APP: variants seen among roughly 807,000 people sequenced by gnomAD.
APP encodes the protein amyloid-beta precursor protein.
APP carries 31 observed loss-of-function variants against 101.4 expected under a neutral mutation model. The ratio of observed to expected loss-of-function variants is 0.31; its 90% CI spans 0.23 to 0.41. The LOEUF (loss-of-function observed/expected upper bound fraction) is 0.41, where lower values mean the gene tolerates loss of function less well. Ranked by LOEUF, APP falls within the 10% of genes least tolerant of loss-of-function variation. The pLI is 1.00. For missense variants in APP, 839 were observed against 1,003.7 expected (o/e 0.84, Z 2.22); for synonymous variants, 366 against 364.4 (o/e 1.00, Z -0.05).
rs1432815469 is a variant in APP at position 26,002,681 on chromosome 21, G to A, written c.866-2499C>T. The stretch of plus-strand genomic sequence containing the variant: ...ACCGTGGTCATTGCTACCAAGGGAG[G>A]CACAGAATCCCTTCACCCCATAGTC... On this transcript the variant is annotated intron_variant, in intron 6 of 17. Transcript: ENST00000346798. Among the ~76,000 whole-genome samples, 3 of 152,192 alleles carry A rather than the reference G, an allele frequency of 2.0e-5. No homozygotes were observed. In the East Asian group the frequency reaches 5.8e-4, roughly 29 times the overall value.
intron 11 of APP, among the ~76,000 whole-genome samples, chr21:25,969,927 GAAA>G (rs1601066992): frequency 1.8e-3 from 12 of 6,516 alleles, no homozygotes; most frequent in Non-Finnish European, 2.8e-3. Flanking sequence ...AAGAGAAAAG[GAAA>G]GGAAAGGAAA....
intron 14 of APP, 35 bp from the exon 15 acceptor site, chr21:25,905,112 CAA>C (rs764881231): frequency 5.8e-5 from 91 of 1,573,344 alleles, no homozygotes; most frequent in Non-Finnish European, 7.2e-5. Flanking sequence ...AGAAAGCAAA[CAA>C]GACAAATCAA....
intron 11 of APP, among the ~76,000 whole-genome samples, chr21:25,958,317 C>T (rs1363451304): frequency 6.6e-6 from 1 of 152,186 alleles, no homozygotes; most frequent in Non-Finnish European, 1.5e-5. Flanking sequence ...CGCCCTGTCT[C>T]CCAGGCTGGA....
At chr21:26,107,246 T>C (rs1047048773) in intron 2 of APP, among the ~76,000 whole-genome samples, 1 of 152,248 alleles carries the variant, frequency 6.6e-6, no homozygotes. Context: ...TCCTGTACCA[T>C]GGAAATAATT....
rs149488804 is a variant in APP at position 25,915,098 on chromosome 21, C to T, written c.1688-3136G>A. ...ACTCCTTTGCCAGATGCTGAAGGCCCTCTGTGGTCTGGGCCCACCCCGTAT... is the reference window on the plus strand; with the variant it reads ...ACTCCTTTGCCAGATGCTGAAGGCCTTCTGTGGTCTGGGCCCACCCCGTAT... On this transcript the variant is annotated intron_variant, in intron 13 of 17. Coordinates refer to ENST00000346798, the MANE Select transcript of APP (RefSeq NM_000484.4). Among the ~76,000 whole-genome samples, 94 of 152,324 alleles carry T rather than the reference C, an allele frequency of 6.2e-4. 1 individual carries two copies. Among genetic ancestry groups the T allele is most frequent in the African/African-American group, 2.1e-3 (89 of 41,570 alleles).
intron 2 of APP, among the ~76,000 whole-genome samples, chr21:26,100,186 CT>C (rs2062026155): frequency 6.6e-6 from 1 of 151,148 alleles, no homozygotes; most frequent in Non-Finnish European, 1.5e-5. Context: ...GGCTAATTTT[CT>C]TATTTTAAAA....
chr21:26,065,252 C>A (rs979832000), intron 3 of APP, among the ~76,000 whole-genome samples: 1 of 152,116 alleles, frequency 6.6e-6, no homozygotes, highest in African/African-American at 2.4e-5. Context: ...CTGTCAGGTG[C>A]ATCTACCATA....
intron 1 of APP, among the ~76,000 whole-genome samples, chr21:26,114,764 T>C (rs777814712): frequency 2.7e-4 from 41 of 152,318 alleles, no homozygotes; most frequent in South Asian, 8.3e-4. Context: ...CCTCCCTGCT[T>C]CTTGACTTTA....
At chr21:25,998,871 C>G (rs192922045) in intron 7 of APP, among the ~76,000 whole-genome samples, 1 of 152,322 alleles carries the variant, frequency 6.6e-6, no homozygotes, top group African/African-American at 2.4e-5. Flanking sequence ...AGTCTCACAT[C>G]TGGTACTGGA....
At chr21:26,079,044 C>CAAAAAA (rs34285555) in intron 3 of APP, among the ~76,000 whole-genome samples, 3 of 114,450 alleles carry the variant, frequency 2.6e-5, no homozygotes, top group East Asian at 2.5e-4. Flanking sequence ...AACTCCATCT[C>CAAAAAA]AAAAAAAAAA....
chr21:26,090,980 T>A (rs1468973763), intron 2 of APP, among the ~76,000 whole-genome samples: 1 of 152,234 alleles, frequency 6.6e-6, no homozygotes, highest in African/African-American at 2.4e-5. Context: ...TAGAATGAAA[T>A]GTGAAACTTG....
intron 13 of APP, among the ~76,000 whole-genome samples, chr21:25,925,099 A>G (rs2039827477): frequency 6.6e-6 from 1 of 152,198 alleles, no homozygotes; most frequent in Non-Finnish European, 1.5e-5. Context: ...CTCTCCCCTG[A>G]CACAGCTGCA....
chr21:25,994,186 T>G (rs1424075566), intron 8 of APP, among the ~76,000 whole-genome samples: 3 of 152,244 alleles, frequency 2.0e-5, no homozygotes, highest in African/African-American at 7.2e-5. Flanking sequence ...CAAATATTTA[T>G]ATAATTTTAT....
At chr21:25,904,664 AGTCTAC>A (rs1219154966) in intron 15 of APP, among the ~76,000 whole-genome samples, 2 of 152,100 alleles carry the variant, frequency 1.3e-5, no homozygotes, top group African/African-American at 4.8e-5. Flanking sequence ...ATCACCTGAG[AGTCTAC>A]ATCTATCTGG....
intron 3 of APP, among the ~76,000 whole-genome samples, chr21:26,072,080 C>T (rs997876143): frequency 5.9e-5 from 9 of 152,190 alleles, no homozygotes; most frequent in African/African-American, 2.2e-4. Context: ...GTATTTTTAA[C>T]GTCATCTAGA....
At chr21:25,939,178 C>T (rs1230738608) in intron 13 of APP, among the ~76,000 whole-genome samples, 1 of 152,114 alleles carries the variant, frequency 6.6e-6, no homozygotes, top group African/African-American at 2.4e-5. Context: ...GGTTTAATTC[C>T]ACTTTCATGT....
chr21:25,884,055 T>A (rs1476335816), intron 17 of APP, among the ~76,000 whole-genome samples: 1 of 152,158 alleles, frequency 6.6e-6, no homozygotes, highest in Non-Finnish European at 1.5e-5. Flanking sequence ...ATTTTTGTAT[T>A]TTTAGTAGAG....
chr21:25,966,448 T>C (rs1157272846), intron 11 of APP, among the ~76,000 whole-genome samples: 2 of 152,358 alleles, frequency 1.3e-5, no homozygotes, highest in South Asian at 4.1e-4. Flanking sequence ...TTCTGAAAGA[T>C]GATCTTTTTG....
At chr21:26,044,654 C>A (rs2045526173) in intron 5 of APP, among the ~76,000 whole-genome samples, 1 of 152,124 alleles carries the variant, frequency 6.6e-6, no homozygotes. Flanking sequence ...ATTCTCCTGC[C>A]TCAGCCTCCC....
Sources: allele counts gnomAD v4.1 joint callset (sites outside exome capture counted in the v4.1 genomes callset), GRCh38; gene constraint gnomAD v4.1.1; transcripts MANE v1.5; gene names NCBI Gene and HGNC (gene_info 2026-07-23, HGNC 2026-07-21).